The following WASHC2A variants were observed in gnomAD, a reference collection of about 807,000 sequenced individuals.
WASHC2A encodes WASH complex subunit 2A, also known as WASH complex subunit FAM21A.
WASHC2A carries 82 observed loss-of-function variants against 140.3 expected under a neutral mutation model. The observed-to-expected ratio is 0.58, with a 90% CI of 0.49 to 0.70. WASHC2A has a LOEUF of 0.70. WASHC2A is among the 30% of genes least tolerant of loss of function. WASHC2A has a pLI of 0.00. For missense variants in WASHC2A, 985 were observed against 1,521.8 expected, an observed-to-expected ratio of 0.65 and a Z score of 5.87; for synonymous variants, 340 against 560.8, an observed-to-expected ratio of 0.61 and a Z score of 5.56.
chr10:50,071,465 C>G (rs1837805925), intron 3 of WASHC2A, among the ~76,000 whole-genome samples: 1 of 152,026 alleles, frequency 6.6e-6, no homozygotes, highest in Admixed American at 6.5e-5. Context: ...GCCACCACGC[C>G]TGGCTAATTT....
intron 19 of WASHC2A, among the ~76,000 whole-genome samples, chr10:50,108,850 C>G (rs1246448172): frequency 1.7e-5 from 2 of 115,364 alleles, no homozygotes; most frequent in Non-Finnish European, 3.6e-5. Flanking sequence ...CCACTGCACT[C>G]CAGCCCGGGC....
At chr10:50,075,245 T>C (rs1275973224) in intron 3 of WASHC2A, among the ~76,000 whole-genome samples, 13 of 151,422 alleles carry the variant, frequency 8.6e-5, no homozygotes, top group Middle Eastern at 3.4e-3. Flanking sequence ...GTTTCATAAA[T>C]AAATAGAAAA....
intron 17 of WASHC2A, among the ~76,000 whole-genome samples, chr10:50,101,064 C>A (rs1159489485): frequency 6.6e-6 from 1 of 152,310 alleles, no homozygotes; most frequent in East Asian, 1.9e-4. Context: ...GCTTTGCACT[C>A]ACAGCAAGGA....
At chr10:50,094,312 GT>G (rs1223589419) in intron 13 of WASHC2A, among the ~76,000 whole-genome samples, 1 of 146,044 alleles carries the variant, frequency 6.8e-6, no homozygotes, top group Non-Finnish European at 1.5e-5. Flanking sequence ...AGGTTTTTTT[GT>G]TTTTTTGTTT....
At chr10:50,068,676 T>C (rs1252399919) in intron 2 of WASHC2A, among the ~76,000 whole-genome samples, 6 of 149,444 alleles carry the variant, frequency 4.0e-5, no homozygotes, top group Non-Finnish European at 8.9e-5. Context: ...TGGTGGTTGA[T>C]TAGCTAACCC....
intron 16 of WASHC2A, 61 bp downstream of exon 16, chr10:50,097,863 C>G: frequency 1.2e-6 from 2 of 1,610,964 alleles, no homozygotes; most frequent in East Asian, 2.2e-5. Flanking sequence ...ATAATTCATC[C>G]TGAACCCAGA....
In WASHC2A at chr10:50,090,515, A is replaced by ATATAT. The variant is rs1554882430; in HGVS notation, c.733-261_733-260insTATAT. 6.3e-4 allele frequency among the ~76,000 whole-genome samples: 69 copies of ATATAT among 108,730 alleles called. 1 individual carries two copies. Among genetic ancestry groups the ATATAT allele is most frequent in the East Asian group, 4.3e-3 (18 of 4,142 alleles). 71.3% of individuals were successfully genotyped at this position (108,730 alleles called of 152,430 possible). A position where few individuals can be genotyped will look rare whatever the true frequency, so the allele number is the denominator to read the frequency against. On this transcript the variant is annotated intron_variant, in intron 8 of 30. Transcript: ENST00000282633. ...TAGACTCCATCTCAAAAAAAAAAAA[A>ATATAT]ATATATATATATATATTTATATTTA...
chr10:50,104,645 C>A (rs1554887957), intron 18 of WASHC2A, among the ~76,000 whole-genome samples: 4 of 152,154 alleles, frequency 2.6e-5, no homozygotes, highest in African/African-American at 9.7e-5. Context: ...GTGTGAGCCA[C>A]CATGCCTGGC....
chr10:50,095,049 G>C, intron 13 of WASHC2A, 99 bp from the exon 14 acceptor site: 2 of 1,598,460 alleles, frequency 1.3e-6, no homozygotes, highest in African/African-American at 2.7e-5. Context: ...CAAAAGGTCT[G>C]ATACTAGCTG....
rs1469482564 is a variant in WASHC2A at position 50,133,424 on chromosome 10, G to C, written c.*479G>C. 2.1e-6 allele frequency: 1 copy of C among 470,790 alleles called. No homozygotes were observed. The highest frequency in any genetic ancestry group is 2.0e-5 in the African/African-American group (1 of 50,064). The allele number at this position is 470,790 out of a possible 1,614,324, so 29.2% of individuals were successfully genotyped here. On this transcript the variant is annotated 3_prime_UTR_variant, in exon 31 of 31. Coordinates refer to ENST00000282633, the MANE Select transcript of WASHC2A (RefSeq NM_001005751.3). ...TTCACTGAATTCTGAGGGTGCCTCT[G>C]CATGTCCTCCAAGGCAAAGTTTGGC...
chr10:50,074,915 C>A (rs1838167877), intron 3 of WASHC2A, among the ~76,000 whole-genome samples: 1 of 148,234 alleles, frequency 6.7e-6, no homozygotes, highest in South Asian at 2.1e-4. Flanking sequence ...GACTCCGTCT[C>A]AAAAAAATAA....
intron 5 of WASHC2A, among the ~76,000 whole-genome samples, chr10:50,082,721 C>T (rs1327823446): frequency 0.12 from 16,205 of 140,896 alleles, 1,230 homozygotes; most frequent in Non-Finnish European, 0.17. Flanking sequence ...TCAAGTGATC[C>T]GCCCGCCTCG....
intron 20 of WASHC2A, among the ~76,000 whole-genome samples, chr10:50,110,548 A>G (rs1842195102): frequency 6.7e-6 from 1 of 150,160 alleles, no homozygotes; most frequent in African/African-American, 2.5e-5. Context: ...TTTGTTTGTG[A>G]TTTTTCTCTG....
chr10:50,120,611 T>A, intron 23 of WASHC2A, among the ~76,000 whole-genome samples: 1 of 82,806 alleles, frequency 1.2e-5, no homozygotes, highest in Non-Finnish European at 2.2e-5. Context: ...AGAACGAGAC[T>A]CCATCTCAAA....
At chr10:50,092,424 G>A (rs1198099075) in intron 11 of WASHC2A, among the ~76,000 whole-genome samples, 191 bp downstream of exon 11, 6 of 152,298 alleles carry the variant, frequency 3.9e-5, no homozygotes, top group South Asian at 2.1e-4. Flanking sequence ...TTGGGAGGCC[G>A]AGGCGGGCGG....
At chr10:50,090,515 A>AAAAAAAAAAAAAATATATATATAT (rs1214596899) in intron 8 of WASHC2A, among the ~76,000 whole-genome samples, 1 of 108,766 alleles carries the variant, frequency 9.2e-6, no homozygotes, top group African/African-American at 3.3e-5. Flanking sequence ...AAAAAAAAAA[A>AAAAAAAAAAAAAATATATATATAT]ATATATATAT....
chr10:50,084,735 C>CTT (rs1839236741), intron 6 of WASHC2A, among the ~76,000 whole-genome samples: 1 of 139,230 alleles, frequency 7.2e-6, no homozygotes, highest in Non-Finnish European at 1.5e-5. Flanking sequence ...GGCTGTTTTT[C>CTT]TTTCTTTCTT....
At chr10:50,101,967 GATGGAGGCCA>G (rs1841236816) in intron 17 of WASHC2A, among the ~76,000 whole-genome samples, 1 of 152,182 alleles carries the variant, frequency 6.6e-6, no homozygotes, top group Non-Finnish European at 1.5e-5. Context: ...GAGAGAGCCC[GATGGAGGCCA>G]TGTTGCCTTC....
At chr10:50,078,884 C>G in intron 4 of WASHC2A, 147 bp downstream of exon 4, 4 of 1,507,402 alleles carry the variant, frequency 2.7e-6, no homozygotes, top group Non-Finnish European at 3.6e-6. Flanking sequence ...GGGATTCTTT[C>G]CTTTGTTTCT....
Sources: gnomAD v4.1 joint callset for allele counts (sites outside exome capture counted in the v4.1 genomes callset) on GRCh38, gnomAD v4.1.1 for gene constraint, MANE v1.5 for transcripts, NCBI Gene and HGNC (gene_info 2026-07-23, HGNC 2026-07-21) for gene names.